BTG3: variants seen among roughly 807,000 people sequenced by gnomAD.
The protein encoded by BTG3 is BTG anti-proliferation factor 3, also known as protein BTG3.
Under a neutral mutation model 25.8 loss-of-function variants are expected in BTG3, and 4 were observed. The observed-to-expected ratio is 0.16, with a 90% CI of 0.08 to 0.36. The LOEUF (loss-of-function observed/expected upper bound fraction) is 0.36, where lower values mean the gene tolerates loss of function less well. Among genes scored for constraint, BTG3 ranks in the 10% least tolerant of loss-of-function variants. BTG3 has a pLI of 1.00. For synonymous variants in BTG3, 107 were observed against 99.9 expected, an observed-to-expected ratio of 1.07 and a Z score of -0.42; for missense variants, 201 against 304.9, an observed-to-expected ratio of 0.66 and a Z score of 2.54.
chr21:17,612,170 T>TC (rs1569195155), intron 1 of BTG3: 1 of 152,320 alleles, frequency 6.6e-6, no homozygotes, highest in Non-Finnish European at 1.5e-5. Context: ...ATCCCGGTTT[T>TC]CCCCAAGTTC....
At chr21:17,595,980 T>G (rs1253158179) in intron 4 of BTG3, among the ~76,000 whole-genome samples, 1 of 152,040 alleles carries the variant, frequency 6.6e-6, no homozygotes, top group Non-Finnish European at 1.5e-5. Context: ...CTGGAAGAAC[T>G]AGTGTTTCAT....
chr21:17,604,044 T>C, intron 3 of BTG3: 1 of 987,540 alleles, frequency 1.0e-6, no homozygotes, highest in Non-Finnish European at 1.3e-6. Flanking sequence ...CAAAAAGATT[T>C]CATACCTAGC....
intron 1 of BTG3, among the ~76,000 whole-genome samples, chr21:17,610,004 T>G (rs924351243): frequency 2.6e-5 from 4 of 152,214 alleles, no homozygotes; most frequent in Non-Finnish European, 5.9e-5. Flanking sequence ...TTAAAACGAA[T>G]GAGTACTAAT....
chr21:17,598,910 G>T, intron 3 of BTG3, 86 bp from the exon 4 acceptor site: 1 of 1,011,156 alleles, frequency 9.9e-7, no homozygotes, highest in Non-Finnish European at 1.4e-6. Context: ...ATCTGGACAT[G>T]CCATCAATAC....
In BTG3 at chr21:17,598,607, T is replaced by C. The variant is rs756591599; in HGVS notation, c.519+10A>G. On this transcript the variant is annotated intron_variant, in intron 4 of 4. Coordinates refer to ENST00000348354, the MANE Select transcript of BTG3 (RefSeq NM_006806.5). ...ACATCCCTTTAAAACTGAGCTGTTT[T>C]CATGGTTACCTGGTACACAGGACTT... The C allele has an allele frequency of 7.4e-6, 12 of 1,612,308 alleles. No individual in the cohort carries two copies. The Admixed American group carries it at 2.0e-4, about 27-fold the overall frequency.
At chr21:17,604,241 G>T in intron 3 of BTG3, 1 of 508,286 alleles carries the variant, frequency 2.0e-6, no homozygotes, top group Non-Finnish European at 3.1e-6. Flanking sequence ...AGGAGTTTGA[G>T]AGCAGTCTGG....
intron 2 of BTG3, among the ~76,000 whole-genome samples, chr21:17,607,279 G>A (rs2061656308): frequency 6.6e-6 from 1 of 151,986 alleles, no homozygotes; most frequent in Non-Finnish European, 1.5e-5. Flanking sequence ...ATAGTATGGT[G>A]GCTTGGCACT....
chr21:17,609,744 A>G (rs1368901639), intron 1 of BTG3, among the ~76,000 whole-genome samples: 2 of 152,226 alleles, frequency 1.3e-5, no homozygotes, highest in African/African-American at 2.4e-5. Flanking sequence ...CATAATAGCT[A>G]AAAAGTGAAA....
At position 17,596,704 on chromosome 21, in the gene BTG3, A is replaced by C. The variant is rs529613371; in HGVS notation, c.519+1913T>G. The stretch of plus-strand genomic sequence containing the variant: ...CTTGATGAATATATAATAGCTTTGA[A>C]TTAGTGTGAGCCCTCCAACTGATCC... On this transcript the variant is annotated intron_variant, in intron 4 of 4. Transcript: ENST00000348354. 2.0e-5 allele frequency among the ~76,000 whole-genome samples: 3 copies of C among 152,208 alleles called. No individual in the cohort carries two copies. In the East Asian group the frequency reaches 5.8e-4, roughly 29 times the overall value.
intron 3 of BTG3, among the ~76,000 whole-genome samples, chr21:17,601,060 G>A (rs1339991687): frequency 2.0e-5 from 3 of 152,156 alleles, no homozygotes; most frequent in Non-Finnish European, 2.9e-5. Context: ...CTACTCGGGA[G>A]GCTGAGGCAG....
intron 2 of BTG3, among the ~76,000 whole-genome samples, chr21:17,606,547 A>G (rs1289966270): frequency 6.6e-6 from 1 of 152,124 alleles, no homozygotes; most frequent in Non-Finnish European, 1.5e-5. Flanking sequence ...AAAAAGATAT[A>G]TCTTAGATGT....
Position 17,602,553 on chromosome 21 carries a change from G to A in BTG3, c.311+2307C>T, listed in dbSNP as rs546455645. Among the ~76,000 whole-genome samples, 6 of 152,082 alleles carry A rather than the reference G, an allele frequency of 3.9e-5. No individual in the cohort carries two copies. The East Asian group carries it at 9.7e-4, about 24-fold the overall frequency. On this transcript the variant is annotated intron_variant, in intron 3 of 4. Coordinates refer to ENST00000348354, the MANE Select transcript of BTG3 (RefSeq NM_006806.5). Reference sequence around the variant, plus strand: ...CTTATATCAACCACCTCTACTAAACGATTAATACGTCTTTCTTTTTGGGGT... The same window carrying A: ...CTTATATCAACCACCTCTACTAAACAATTAATACGTCTTTCTTTTTGGGGT...
At chr21:17,602,865 T>C (rs1174214769) in intron 3 of BTG3, among the ~76,000 whole-genome samples, 2 of 152,234 alleles carry the variant, frequency 1.3e-5, no homozygotes, top group African/African-American at 2.4e-5. Context: ...AAAATGTTTA[T>C]ATAATTATGT....
intron 1 of BTG3, chr21:17,612,285 C>T (rs909375184): frequency 6.6e-6 from 1 of 152,088 alleles, no homozygotes; most frequent in East Asian, 2.0e-4. Context: ...GCCCTGGGTT[C>T]GAGGACCCGG....
intron 3 of BTG3, among the ~76,000 whole-genome samples, chr21:17,602,607 G>A (rs1035298886): frequency 2.6e-5 from 4 of 151,822 alleles, no homozygotes; most frequent in African/African-American, 4.8e-5. Context: ...CCTGACACTC[G>A]CAGGTGATTT....
intron 4 of BTG3, among the ~76,000 whole-genome samples, chr21:17,596,884 C>T (rs2061511398): frequency 6.6e-6 from 1 of 151,788 alleles, no homozygotes; most frequent in African/African-American, 2.4e-5. Flanking sequence ...TCTTTATCCC[C>T]TCTCTTGGGA....
intron 4 of BTG3, 50 bp downstream of exon 4, chr21:17,598,567 C>G: frequency 6.6e-7 from 1 of 1,511,688 alleles, no homozygotes; most frequent in East Asian, 2.3e-5. Context: ...CCTGAAAGGT[C>G]CTGGCAATCC....
At position 17,593,980 on chromosome 21, in the gene BTG3, T is replaced by C; in HGVS notation, c.*113A>G. 3 of 1,236,818 alleles carry C rather than the reference T, an allele frequency of 2.4e-6. No homozygotes were observed. The highest frequency in any genetic ancestry group is 2.2e-6 in the Non-Finnish European group (2 of 912,796). 76.6% of individuals were successfully genotyped at this position (1,236,818 alleles called of 1,614,324 possible). A position where few individuals can be genotyped will look rare whatever the true frequency, so the allele number is the denominator to read the frequency against. On this transcript the variant is annotated 3_prime_UTR_variant, in exon 5 of 5. Coordinates refer to ENST00000348354, the MANE Select transcript of BTG3 (RefSeq NM_006806.5). ...ATAACTTCTATAAAAATAAGTTTGA[T>C]GGTTTGGCCCATCTAACTTCACTAC...
At chr21:17,603,996 C>T (rs746055837) in intron 3 of BTG3, 3 of 505,670 alleles carry the variant, frequency 5.9e-6, no homozygotes, top group Non-Finnish European at 8.3e-6. Flanking sequence ...ACTGAGAGTG[C>T]CTGGTCCACA....
Sources: allele counts gnomAD v4.1 joint callset (sites outside exome capture counted in the v4.1 genomes callset), GRCh38; gene constraint gnomAD v4.1.1; transcripts MANE v1.5; gene names NCBI Gene and HGNC (gene_info 2026-07-23, HGNC 2026-07-21).